Variants in NHSL3 observed in about 807,000 individuals in gnomAD.
The protein encoded by NHSL3 is NHS-like protein 3.
chr1:32,755,062 G>A, the NHSL3 span, among the ~76,000 whole-genome samples: 1 of 152,330 alleles, frequency 6.6e-6, no homozygotes, highest in South Asian at 2.1e-4. Context: ...CCAATGGGGA[G>A]GGGAGGGAAA....
chr1:32,744,427 T>A, the NHSL3 span, among the ~76,000 whole-genome samples: 3 of 152,160 alleles, frequency 2.0e-5, no homozygotes, highest in African/African-American at 7.2e-5. Flanking sequence ...ATGAAAAAAT[T>A]GAGGCTCAGG....
the NHSL3 span, among the ~76,000 whole-genome samples, chr1:32,762,312 A>T: frequency 6.6e-6 from 1 of 152,120 alleles, no homozygotes; most frequent in Non-Finnish European, 1.5e-5. Context: ...AGAGAGAAAG[A>T]TGCTATGACA....
At chr1:32,770,264 C>T in the NHSL3 span, 1 of 1,604,204 alleles carries the variant, frequency 6.2e-7, no homozygotes, top group Admixed American at 1.7e-5. This position sits in a 1 kb window ranked among gnomAD's most constrained non-coding sequence, Gnocchi z 8.3. Context: ...GTGCTGCCGC[C>T]TACAGTGGAC....
At chr1:32,772,290 C>T in the NHSL3 span, 2 of 1,593,282 alleles carry the variant, frequency 1.3e-6, no homozygotes, top group Non-Finnish European at 1.7e-6. Flanking sequence ...CCCCACCCGC[C>T]TCCCCCAGTT....
At chr1:32,773,195 G>A in the NHSL3 span, 4 of 495,464 alleles carry the variant, frequency 8.1e-6, no homozygotes, top group Non-Finnish European at 1.5e-5. Flanking sequence ...TGGCCCTGAG[G>A]CTGCAGAGTT....
the NHSL3 span, among the ~76,000 whole-genome samples, chr1:32,751,198 C>T: frequency 6.6e-6 from 1 of 152,210 alleles, no homozygotes; most frequent in Non-Finnish European, 1.5e-5. Flanking sequence ...TTCCATACCA[C>T]CTACTTCTTC....
At chr1:32,771,378 A>AC in the NHSL3 span, 1 of 534,792 alleles carries the variant, frequency 1.9e-6, no homozygotes, top group Non-Finnish European at 2.6e-6. Flanking sequence ...CACCTTCCCC[A>AC]CCCCCATCTT....
At chr1:32,769,668 C>A in the NHSL3 span, 5,927 of 1,609,420 alleles carry the variant, frequency 3.7e-3, 10 homozygotes, top group Middle Eastern at 9.3e-3. Context: ...ACGACTGGCC[C>A]CCAGGCTCCA....
chr1:32,751,220 A>T, the NHSL3 span, among the ~76,000 whole-genome samples: 3 of 152,268 alleles, frequency 2.0e-5, no homozygotes, highest in Admixed American at 2.0e-4. Context: ...CACCAGTCCT[A>T]GCCTAGCCTG....
At chr1:32,747,045 C>G in the NHSL3 span, among the ~76,000 whole-genome samples, 6 of 152,124 alleles carry the variant, frequency 3.9e-5, no homozygotes, top group African/African-American at 1.4e-4. Context: ...CCTCTGGCCA[C>G]TCAGGGAGGA....
At chr1:32,772,444 A>ACAGTGGG in the NHSL3 span, 1 of 1,519,752 alleles carries the variant, frequency 6.6e-7, no homozygotes, top group Non-Finnish European at 8.8e-7. Context: ...GGGCTCAGGT[A>ACAGTGGG]CAGTGGGCAG....
the NHSL3 span, chr1:32,772,847 CTT>C: frequency 1.4e-4 from 218 of 1,613,830 alleles, 1 homozygote; most frequent in Admixed American, 6.2e-4. Context: ...CTAAGTGTCT[CTT>C]ATTTTTCTCC....
the NHSL3 span, chr1:32,771,967 C>G: frequency 6.2e-7 from 1 of 1,606,250 alleles, no homozygotes; most frequent in Non-Finnish European, 8.5e-7. Context: ...CTCCTCAGGG[C>G]TCCATGCTGC....
At chr1:32,755,912 T>C in the NHSL3 span, among the ~76,000 whole-genome samples, 6 of 152,130 alleles carry the variant, frequency 3.9e-5, no homozygotes, top group East Asian at 9.6e-4. Flanking sequence ...CCTCTGATGG[T>C]CGCTCGGATC....
At chr1:32,742,665 C>T in the NHSL3 span, among the ~76,000 whole-genome samples, 57 of 152,340 alleles carry the variant, frequency 3.7e-4, no homozygotes, top group African/African-American at 1.2e-3. Flanking sequence ...TTTCCAGCCC[C>T]ACAAAGGACC....
the NHSL3 span, chr1:32,772,012 G>A: frequency 6.2e-7 from 1 of 1,603,352 alleles, no homozygotes; most frequent in East Asian, 2.2e-5. Flanking sequence ...GGCCGCCAGT[G>A]AAGGCCTCTC....
chr1:32,769,706 A>C, the NHSL3 span: 1 of 1,613,912 alleles, frequency 6.2e-7, no homozygotes. Context: ...TCATTTCCCA[A>C]ATCTGGAAAG....
chr1:32,741,984 T>G, the NHSL3 span: 1 of 1,179,300 alleles, frequency 8.5e-7, no homozygotes, highest in Non-Finnish European at 1.0e-6. The surrounding 1 kb of genome is among the most constrained non-coding windows in gnomAD (Gnocchi z 4.3). Context: ...CCGCCGCACC[T>G]GCGGCCGAGG....
At chr1:32,770,862 C>A in the NHSL3 span, 1 of 1,608,722 alleles carries the variant, frequency 6.2e-7, no homozygotes, top group Non-Finnish European at 8.5e-7. This position sits in a 1 kb window ranked among gnomAD's most constrained non-coding sequence, Gnocchi z 8.3. Flanking sequence ...GGGTACCTGG[C>A]TTGTCTCCGG....
Sources: allele counts gnomAD v4.1 joint callset (sites outside exome capture counted in the v4.1 genomes callset), GRCh38; gene constraint gnomAD v4.1.1; non-coding constraint Gnocchi (gnomAD v3.1); transcripts MANE v1.5; gene names NCBI Gene and HGNC (gene_info 2026-07-23, HGNC 2026-07-21).